Variants in RAVER2 observed in about 807,000 individuals in gnomAD.
RAVER2 encodes the protein ribonucleoprotein, PTB binding 2.
RAVER2 carries 46 observed loss-of-function variants against 78.1 expected under a neutral mutation model. The observed-to-expected ratio is 0.59, with a 90% CI of 0.46 to 0.75. The LOEUF is 0.75. Ranked by LOEUF, RAVER2 falls within the 30% of genes least tolerant of loss-of-function variation. The pLI, the probability that RAVER2 is intolerant of heterozygous loss-of-function variation, is 0.00. For missense variants in RAVER2, 793 were observed against 837.5 expected, an observed-to-expected ratio of 0.95 and a Z score of 0.66; for synonymous variants, 311 against 313.3, an observed-to-expected ratio of 0.99 and a Z score of 0.08.
At chr1:64,818,446 G>T (rs1241791246) in intron 11 of RAVER2, among the ~76,000 whole-genome samples, 1 of 152,132 alleles carries the variant, frequency 6.6e-6, no homozygotes, top group East Asian at 1.9e-4. Flanking sequence ...TGAGGCAGGA[G>T]AATGGCGTGA....
intron 4 of RAVER2, among the ~76,000 whole-genome samples, chr1:64,787,121 T>C (rs1652802772): frequency 6.6e-6 from 1 of 152,218 alleles, no homozygotes; most frequent in Admixed American, 6.5e-5. Context: ...TGAGTAAAAA[T>C]CCATTTTATT....
At chr1:64,752,195 T>C (rs926823639) in intron 1 of RAVER2, among the ~76,000 whole-genome samples, 8 of 152,246 alleles carry the variant, frequency 5.3e-5, no homozygotes, top group South Asian at 2.1e-4. Context: ...AGGCTCTCTC[T>C]TATCCTCTGT....
chr1:64,831,006 C>T, exon 12 of RAVER2: 3 of 1,607,912 alleles, frequency 1.9e-6, no homozygotes, highest in Non-Finnish European at 2.5e-6. Flanking sequence ...CTCCTAATAA[C>T]CCCCTAAGGT....
intron 3 of RAVER2, among the ~76,000 whole-genome samples, chr1:64,779,250 A>C (rs1236476118): frequency 1.3e-5 from 2 of 151,982 alleles, no homozygotes; most frequent in Admixed American, 6.6e-5. Context: ...ATCTAACTGA[A>C]ATGTTGCATC....
intron 11 of RAVER2, among the ~76,000 whole-genome samples, chr1:64,821,358 A>G (rs1419074350): frequency 6.6e-6 from 1 of 151,788 alleles, no homozygotes; most frequent in Non-Finnish European, 1.5e-5. Context: ...TTGTCTGTTT[A>G]CTCTGTTGAT....
intron 5 of RAVER2, among the ~76,000 whole-genome samples, chr1:64,798,169 C>T (rs368876821): frequency 1.5e-5 from 2 of 131,572 alleles, no homozygotes; most frequent in Non-Finnish European, 3.2e-5. Context: ...TGAGAATATG[C>T]GGTGTTTGGT....
intron 11 of RAVER2, among the ~76,000 whole-genome samples, chr1:64,823,695 T>C (rs886967906): frequency 6.6e-6 from 1 of 151,988 alleles, no homozygotes; most frequent in African/African-American, 2.4e-5. Context: ...TTAATTAAAA[T>C]AGGTAAAAAT....
chr1:64,776,200 A>C (rs1163092351), intron 2 of RAVER2, among the ~76,000 whole-genome samples: 1 of 152,120 alleles, frequency 6.6e-6, no homozygotes, highest in Non-Finnish European at 1.5e-5. Flanking sequence ...ATTGTATTTT[A>C]TGTCAGCATA....
At chr1:64,806,508 A>G (rs1221321412) in intron 8 of RAVER2, among the ~76,000 whole-genome samples, 1 of 152,206 alleles carries the variant, frequency 6.6e-6, no homozygotes, top group Non-Finnish European at 1.5e-5. Context: ...GTGCTTATCT[A>G]TTAACAAATA....
intron 4 of RAVER2, among the ~76,000 whole-genome samples, chr1:64,783,263 G>A (rs1302018349): frequency 6.6e-6 from 1 of 152,132 alleles, no homozygotes. Context: ...GAATAGCTGG[G>A]TCAAATGGTA....
exon 12 of RAVER2, chr1:64,832,380 C>T (rs571109023): frequency 6.5e-6 from 1 of 152,702 alleles, no homozygotes; most frequent in South Asian, 2.1e-4. Context: ...TCTTTATGGA[C>T]TATGATGACT....
chr1:64,778,202 T>A, intron 3 of RAVER2, 110 bp downstream of exon 3: 1 of 866,742 alleles, frequency 1.2e-6, no homozygotes, highest in Non-Finnish European at 1.7e-6. Context: ...AATGGAAATT[T>A]AATTCTGCAT....
chr1:64,789,971 GA>G (rs1329204118), intron 5 of RAVER2, among the ~76,000 whole-genome samples: 1 of 152,106 alleles, frequency 6.6e-6, no homozygotes, highest in African/African-American at 2.4e-5. Flanking sequence ...AGCAAATGAT[GA>G]AAACATTATT....
intron 2 of RAVER2, among the ~76,000 whole-genome samples, chr1:64,775,275 C>T (rs1188892782): frequency 1.3e-5 from 2 of 152,122 alleles, no homozygotes; most frequent in East Asian, 3.9e-4. Context: ...TATGGGAGGC[C>T]TTTTGCAAGT....
intron 1 of RAVER2, among the ~76,000 whole-genome samples, chr1:64,747,917 TACTAGTAGAAACCCAATA>T (rs1651588460): frequency 1.3e-5 from 2 of 152,206 alleles, no homozygotes; most frequent in Non-Finnish European, 2.9e-5. Context: ...ATCAATAACT[TACTAGTAGAAACCCAATA>T]ATTTTTTCTT....
intron 3 of RAVER2, among the ~76,000 whole-genome samples, chr1:64,780,876 G>A (rs187356061): frequency 5.9e-5 from 9 of 152,298 alleles, no homozygotes; most frequent in African/African-American, 1.9e-4. Context: ...AATAAGGTTT[G>A]CCTGGGTATA....
chr1:64,779,408 G>T (rs1557591174), intron 3 of RAVER2, among the ~76,000 whole-genome samples: 2 of 151,848 alleles, frequency 1.3e-5, no homozygotes, highest in Non-Finnish European at 2.9e-5. Flanking sequence ...TTGAGACAGG[G>T]TCTTTCTCTA....
chr1:64,761,491 C>T (rs181273818), intron 1 of RAVER2, among the ~76,000 whole-genome samples: 8 of 152,210 alleles, frequency 5.3e-5, no homozygotes, highest in Non-Finnish European at 7.4e-5. Flanking sequence ...TCAATGGGTG[C>T]AGAAAAAGCA....
At chr1:64,771,029 T>C (rs1393404825) in intron 2 of RAVER2, among the ~76,000 whole-genome samples, 3 of 151,938 alleles carry the variant, frequency 2.0e-5, no homozygotes, top group Non-Finnish European at 4.4e-5. Context: ...TTTTAAAATT[T>C]TGATGAAAAT....
Sources: allele counts gnomAD v4.1 joint callset (sites outside exome capture counted in the v4.1 genomes callset), GRCh38; gene constraint gnomAD v4.1.1; transcripts MANE v1.5; gene names NCBI Gene and HGNC (gene_info 2026-07-23, HGNC 2026-07-21).